Variants in ARHGAP5 observed in about 807,000 individuals in gnomAD.
ARHGAP5 encodes Rho GTPase activating protein 5, also known as rho GTPase-activating protein 5.
A neutral mutation model predicts 116.6 loss-of-function variants in ARHGAP5; 23 were observed. That is an observed-to-expected ratio of 0.20 (90% confidence interval 0.14 to 0.28). The LOEUF (loss-of-function observed/expected upper bound fraction) is 0.28, where lower values mean the gene tolerates loss of function less well. Ranked by LOEUF, ARHGAP5 falls within the 10% of genes least tolerant of loss-of-function variation. The pLI is 1.00. For synonymous variants in ARHGAP5, 574 were observed against 602.0 expected (o/e 0.95, Z 0.68); for missense variants, 1,405 against 1,774.8 (o/e 0.79, Z 3.74).
chr14:32,077,530 C>T (rs1003723263), intron 1 of ARHGAP5, 95 bp downstream of exon 1: 10 of 627,738 alleles, frequency 1.6e-5, no homozygotes, highest in South Asian at 5.2e-5. Context: ...TCGCCGCTGC[C>T]GGTTGTAACC....
intron 3 of ARHGAP5, among the ~76,000 whole-genome samples, chr14:32,117,957 A>G (rs1256235649): frequency 1.3e-5 from 2 of 152,242 alleles, no homozygotes; most frequent in Admixed American, 6.5e-5. Context: ...CGAGTTAACC[A>G]TGAAACCTTA....
At chr14:32,077,524 C>G (rs906279224) in intron 1 of ARHGAP5, 89 bp downstream of exon 1, 2 of 642,692 alleles carry the variant, frequency 3.1e-6, no homozygotes, top group Non-Finnish European at 5.6e-6. Context: ...GCTCGGTCGC[C>G]GCTGCCGGTT....
chr14:32,080,775 A>ATT (rs113428317), intron 1 of ARHGAP5, among the ~76,000 whole-genome samples: 4 of 150,290 alleles, frequency 2.7e-5, no homozygotes, highest in African/African-American at 9.8e-5. Flanking sequence ...AAAAAGGATA[A>ATT]TTTTTTTTTT....
At chr14:32,137,552 T>A (rs1168874259) in intron 3 of ARHGAP5, among the ~76,000 whole-genome samples, 5 of 152,156 alleles carry the variant, frequency 3.3e-5, no homozygotes, top group Non-Finnish European at 5.9e-5. Context: ...GCTACAGAGT[T>A]TCCTGCAATT....
At chr14:32,135,605 T>A (rs1880748276) in intron 3 of ARHGAP5, among the ~76,000 whole-genome samples, 1 of 152,218 alleles carries the variant, frequency 6.6e-6, no homozygotes, top group African/African-American at 2.4e-5. Context: ...GTATTTTTAG[T>A]AGAGACAGGG....
chr14:32,152,457 G>A lies in ARHGAP5; in HGVS notation c.4110G>A (p.Leu1370=), dbSNP rs1346199710. ...ATAAAACAGAACGTCTTCATGCCTTGAAAGAAATTGTTAAGAAATTTCATC... is the reference window on the plus strand; with the variant it reads ...ATAAAACAGAACGTCTTCATGCCTTAAAAGAAATTGTTAAGAAATTTCATC... ...IPDKTERLHA[L]KEIVKKFHPV... Residue 1370 remains leucine (L), a synonymous_variant, in exon 6 of 7, where the codon TTG becomes TTA. Coordinates refer to ENST00000345122, the MANE Select transcript of ARHGAP5 (RefSeq NM_001030055.2). The A allele has an allele frequency of 6.2e-7, 1 of 1,607,256 alleles. No individual in the cohort carries two copies. The highest frequency in any genetic ancestry group is 1.3e-5 in the African/African-American group (1 of 74,522).
chr14:32,091,937 C>T lies in ARHGAP5; in HGVS notation c.1268C>T (p.Ser423Phe). Residue 423 changes from serine (S) to phenylalanine (F), a missense_variant, in exon 2 of 7, where the codon TCC becomes TTC. Transcript: ENST00000345122. ...CAGAACCATGTACAGCATCTGATATCCGAGAAGAGGAGGGTGGAAATGAAG... is the reference window on the plus strand; with the variant it reads ...CAGAACCATGTACAGCATCTGATATTCGAGAAGAGGAGGGTGGAAATGAAG... ...VYQNHVQHLI[S>F]EKRRVEMKEK... 6.2e-7 allele frequency: 1 copy of T among 1,613,512 alleles called. No homozygotes were observed. Among genetic ancestry groups the T allele is most frequent in the Non-Finnish European group, 8.5e-7 (1 of 1,179,638 alleles).
rs1474921129 is a variant in ARHGAP5 at position 32,092,461 on chromosome 14, C to G, written c.1792C>G (p.Leu598Val). The change falls in exon 2 of 7, where the codon CTT (leucine) becomes GTT (valine). Residue 598 changes from leucine to valine, a missense_variant. By Grantham distance (32) the Leu-to-Val change is conservative. This residue lies in a region of ARHGAP5 where 944 missense variants were observed against 1,095.3 expected (regional missense o/e 0.86). Transcript: ENST00000345122. This position sits in a 1 kb window ranked among gnomAD's most constrained non-coding sequence, Gnocchi z 4.1. ...HDSTNIDKVNLFILGKDGLAQ... is the reference protein window; with the variant it reads ...HDSTNIDKVNVFILGKDGLAQ... ...TAGTACCAATATAGATAAAGTTAACCTTTTTATTTTAGGGAAGGATGGCCT... is the reference window on the plus strand; with the variant it reads ...TAGTACCAATATAGATAAAGTTAACGTTTTTATTTTAGGGAAGGATGGCCT... 6 of 1,613,874 alleles carry G rather than the reference C, an allele frequency of 3.7e-6. No homozygotes were observed. The highest frequency in any genetic ancestry group is 5.1e-6 in the Non-Finnish European group (6 of 1,179,844).
chr14:32,133,044 A>T (rs1320017072), intron 3 of ARHGAP5, among the ~76,000 whole-genome samples: 10 of 151,936 alleles, frequency 6.6e-5, no homozygotes. Context: ...TGTTCTTTTG[A>T]CTTAGGATTG....
At chr14:32,127,640 G>A (rs1235631664) in intron 3 of ARHGAP5, among the ~76,000 whole-genome samples, 2 of 152,074 alleles carry the variant, frequency 1.3e-5, no homozygotes, top group African/African-American at 2.4e-5. Flanking sequence ...TTTTCTATTC[G>A]ACAAAACCGC....
Position 32,143,202 on chromosome 14 carries a change from A to AGTTGTTGTTGTT in ARHGAP5, c.3866-3033_3866-3022dup, listed in dbSNP as rs140378018. Among the ~76,000 whole-genome samples the AGTTGTTGTTGTT allele has an allele frequency of 4.5e-4, 66 of 145,436 alleles. 1 individual carries two copies. The highest frequency in any genetic ancestry group is 1.2e-3 in the East Asian group (6 of 4,952). ...CTCAATTAAAAGGCAACATTATTTT[A>AGTTGTTGTTGTT]GTTGTTGTTGTTGTTGTTGTTGTTG... On this transcript the variant is annotated intron_variant, in intron 3 of 6. Coordinates refer to ENST00000345122, the MANE Select transcript of ARHGAP5 (RefSeq NM_001030055.2).
At chr14:32,088,371 T>TAA (rs562977086) in intron 1 of ARHGAP5, among the ~76,000 whole-genome samples, 3 of 151,166 alleles carry the variant, frequency 2.0e-5, no homozygotes, top group Admixed American at 2.0e-4. Flanking sequence ...GCTTTTCTAA[T>TAA]AAAAAAAAAG....
intron 4 of ARHGAP5, among the ~76,000 whole-genome samples, chr14:32,148,348 C>T (rs1022386874): frequency 9.2e-5 from 14 of 152,136 alleles, no homozygotes; most frequent in African/African-American, 2.9e-4. Context: ...TTTGTTTTCT[C>T]GTCCTGCCAC....
chr14:32,090,417 T>G, intron 1 of ARHGAP5, 85 bp from the exon 2 acceptor site: 7 of 439,618 alleles, frequency 1.6e-5, no homozygotes, highest in Non-Finnish European at 2.8e-5. Flanking sequence ...TTAATTTGTA[T>G]GGTGCTTTGT....
At position 32,151,945 on chromosome 14, in the gene ARHGAP5, T is replaced by C. The variant is rs537199836; in HGVS notation, c.4076-478T>C. Among the ~76,000 whole-genome samples, 5 of 152,286 alleles carry C rather than the reference T, an allele frequency of 3.3e-5. No homozygotes were observed. The South Asian group carries it at 1.0e-3, about 32-fold the overall frequency. On this transcript the variant is annotated intron_variant, in intron 5 of 6. Coordinates refer to ENST00000345122, the MANE Select transcript of ARHGAP5 (RefSeq NM_001030055.2). ...AAGTGATTTCTTAATTTACATAATT[T>C]AGCAGGTTCTTTTGAACAGGGCTCT...
At chr14:32,130,280 C>T (rs1391920785) in intron 3 of ARHGAP5, among the ~76,000 whole-genome samples, 7 of 140,902 alleles carry the variant, frequency 5.0e-5, no homozygotes, top group Non-Finnish European at 3.0e-5. Context: ...GGTGGGATCT[C>T]GGCTCACTGC....
intron 3 of ARHGAP5, among the ~76,000 whole-genome samples, chr14:32,125,231 T>A (rs1880086314): frequency 6.6e-6 from 1 of 152,228 alleles, no homozygotes; most frequent in African/African-American, 2.4e-5. Context: ...AATTTACTAA[T>A]TCTGGATATT....
At chr14:32,140,461 C>T (rs1270825393) in intron 3 of ARHGAP5, among the ~76,000 whole-genome samples, 1 of 151,564 alleles carries the variant, frequency 6.6e-6, no homozygotes, top group Non-Finnish European at 1.5e-5. Context: ...TTGGCGGGCG[C>T]ATGCTGTAGT....
At chr14:32,149,355 AAGAT>A (rs1881536645) in intron 4 of ARHGAP5, among the ~76,000 whole-genome samples, 1 of 152,100 alleles carries the variant, frequency 6.6e-6, no homozygotes, top group Non-Finnish European at 1.5e-5. Context: ...ACAAAAAAAA[AAGAT>A]AGATATTAGT....
Sources: gnomAD v4.1 joint callset for allele counts (sites outside exome capture counted in the v4.1 genomes callset) on GRCh38, gnomAD v4.1.1 for gene constraint, gnomAD v4.1.1 regional missense constraint, Gnocchi (gnomAD v3.1) non-coding constraint, MANE v1.5 for transcripts, NCBI Gene and HGNC (gene_info 2026-07-23, HGNC 2026-07-21) for gene names.